NCAM2: variants seen among roughly 807,000 people sequenced by gnomAD.
NCAM2 encodes the protein N-CAM-2.
A neutral mutation model predicts 98.1 loss-of-function variants in NCAM2; 30 were observed. That is an observed-to-expected ratio of 0.31 (90% confidence interval 0.23 to 0.41). The LOEUF (loss-of-function observed/expected upper bound fraction) is 0.41, where lower values mean the gene tolerates loss of function less well. NCAM2 is among the 10% of genes least tolerant of loss of function. NCAM2 has a pLI of 1.00. For synonymous variants in NCAM2, 368 were observed against 342.4 expected (o/e 1.07, Z -0.83); for missense variants, 867 against 1,005.8 (o/e 0.86, Z 1.87).
rs563113281 is a variant in NCAM2 at position 21,152,282 on chromosome 21, A to G, written c.56-128296A>G. 1.4e-4 allele frequency among the ~76,000 whole-genome samples: 22 copies of G among 151,964 alleles called. No individual in the cohort carries two copies. In the South Asian group the frequency reaches 2.5e-3, roughly 17 times the overall value. ...TAAAGTTCCGTTTTATTTTTTCCCA[A>G]TGGTTTCCATTTCCCTTTATCCTGA... is the stretch of plus-strand genomic sequence containing the variant. On this transcript the variant is annotated intron_variant, in intron 1 of 17. Coordinates refer to ENST00000400546, the MANE Select transcript of NCAM2 (RefSeq NM_004540.5).
In NCAM2 at chr21:21,540,515, T is replaced by C. The variant is rs1354096789; in HGVS notation, c.*2558T>C. 6.6e-6 allele frequency: 1 copy of C among 151,936 alleles called. No individual in the cohort carries two copies. The highest frequency in any genetic ancestry group is 1.5e-5 in the Non-Finnish European group (1 of 67,972). The allele number at this position is 151,936 out of a possible 1,614,324, so 9.4% of individuals were successfully genotyped here. On this transcript the variant is annotated 3_prime_UTR_variant, in exon 18 of 18. Transcript: ENST00000400546. ...TATTTCAATGGAATGCTCCAAATGA[T>C]TTATAAAAATTTCAAAATAAAAGAT...
chr21:21,236,584 T>C (rs1366744705), intron 1 of NCAM2, among the ~76,000 whole-genome samples: 2 of 152,134 alleles, frequency 1.3e-5, no homozygotes, highest in East Asian at 3.9e-4. Flanking sequence ...CTCTGATAAA[T>C]AATAAATACA....
chr21:21,489,874 G>T (rs556068042), intron 15 of NCAM2, among the ~76,000 whole-genome samples: 1 of 151,982 alleles, frequency 6.6e-6, no homozygotes, highest in Admixed American at 6.6e-5. Flanking sequence ...ATATAAATTG[G>T]AGTATTATTC....
At chr21:21,290,519 A>G (rs2073252554) in intron 4 of NCAM2, among the ~76,000 whole-genome samples, 1 of 151,740 alleles carries the variant, frequency 6.6e-6, no homozygotes, top group Non-Finnish European at 1.5e-5. Context: ...TTGTGCTTTA[A>G]TTTACCAGGG....
At chr21:21,028,367 A>G (rs1029948044) in intron 1 of NCAM2, among the ~76,000 whole-genome samples, 1 of 152,172 alleles carries the variant, frequency 6.6e-6, no homozygotes, top group African/African-American at 2.4e-5. Context: ...TCAAAAATTT[A>G]TGTTGTGTGA....
intron 1 of NCAM2, among the ~76,000 whole-genome samples, chr21:21,216,879 A>T (rs1195287090): frequency 1.3e-5 from 2 of 152,208 alleles, no homozygotes; most frequent in Non-Finnish European, 2.9e-5. Flanking sequence ...TTAAAAGAAA[A>T]GAAAATCACA....
intron 1 of NCAM2, among the ~76,000 whole-genome samples, chr21:21,212,931 A>T (rs921931067): frequency 2.6e-5 from 4 of 151,666 alleles, no homozygotes; most frequent in African/African-American, 4.8e-5. Context: ...TTTAGTAGAG[A>T]TGGGGTTTCC....
rs564715921 is a variant in NCAM2, at chr21:21,494,706, C to T, written c.2078-14145C>T. 3.6e-3 allele frequency among the ~76,000 whole-genome samples: 540 copies of T among 151,946 alleles called. 4 individuals carry two copies. The highest frequency in any genetic ancestry group is 7.9e-3 in the South Asian group (38 of 4,812). On this transcript the variant is annotated intron_variant, in intron 15 of 17. Coordinates refer to ENST00000400546, the MANE Select transcript of NCAM2 (RefSeq NM_004540.5). ...CCAAAATGATCTCAGTTCCAACATA[C>T]ATAATAATGTGAAATGTCAGTATAG...
At chr21:21,273,905 C>G (rs1207943599) in intron 1 of NCAM2, among the ~76,000 whole-genome samples, 3 of 152,094 alleles carry the variant, frequency 2.0e-5, no homozygotes, top group African/African-American at 4.8e-5. Context: ...TTGGCTCATG[C>G]CTGTAATCCC....
intron 1 of NCAM2, among the ~76,000 whole-genome samples, chr21:21,006,222 A>G (rs1188936711): frequency 6.6e-6 from 1 of 152,104 alleles, no homozygotes; most frequent in Non-Finnish European, 1.5e-5. Context: ...GTGTTGATCC[A>G]TGGGTTGGGA....
chr21:21,233,322 C>T (rs2070700767), intron 1 of NCAM2, among the ~76,000 whole-genome samples: 1 of 151,606 alleles, frequency 6.6e-6, no homozygotes, highest in Non-Finnish European at 1.5e-5. Flanking sequence ...CCATAAAGCT[C>T]CAACTTTTAC....
chr21:21,056,546 GGAGAGAGAGAGAGAGT>G (rs1400672079), intron 1 of NCAM2, among the ~76,000 whole-genome samples: 3 of 147,620 alleles, frequency 2.0e-5, no homozygotes, highest in Non-Finnish European at 4.5e-5. Context: ...GGGAGAGAGA[GGAGAGAGAGAGAGAGT>G]GAGAGAGAGA....
At chr21:21,340,468 AAATAATCTT>A (rs1183456243) in intron 8 of NCAM2, among the ~76,000 whole-genome samples, 3 of 151,962 alleles carry the variant, frequency 2.0e-5, no homozygotes, top group Non-Finnish European at 4.4e-5. Flanking sequence ...TAACTGTGAA[AAATAATCTT>A]AAAGCTTTTG....
At chr21:21,454,846 T>C (rs1981886763) in intron 12 of NCAM2, among the ~76,000 whole-genome samples, 2 of 151,966 alleles carry the variant, frequency 1.3e-5, no homozygotes, top group Admixed American at 1.3e-4. Context: ...ATATGAAGTA[T>C]TCAAATTTCT....
At chr21:21,385,729 A>T (rs1163168922) in intron 9 of NCAM2, 1 of 1,098,410 alleles carries the variant, frequency 9.1e-7, no homozygotes, top group Non-Finnish European at 1.2e-6. Flanking sequence ...GGCATGTGAT[A>T]TACAGTTTAA....
chr21:21,507,276 A>T (rs1208146501), intron 15 of NCAM2, among the ~76,000 whole-genome samples: 3 of 152,112 alleles, frequency 2.0e-5, no homozygotes, highest in African/African-American at 7.2e-5. Context: ...TATTTCTTCA[A>T]GTCATTATTA....
chr21:21,207,113 G>A (rs2069465200), intron 1 of NCAM2, among the ~76,000 whole-genome samples: 1 of 152,112 alleles, frequency 6.6e-6, no homozygotes, highest in African/African-American at 2.4e-5. Flanking sequence ...ACATAAAATG[G>A]AGATGTAGTG....
At chr21:21,023,053 A>G (rs1264569608) in intron 1 of NCAM2, among the ~76,000 whole-genome samples, 1 of 152,210 alleles carries the variant, frequency 6.6e-6, no homozygotes, top group Admixed American at 6.5e-5. Context: ...ATACAACAGT[A>G]AGCTTTATAC....
chr21:21,192,243 A>T (rs1036395059), intron 1 of NCAM2, among the ~76,000 whole-genome samples: 6 of 151,952 alleles, frequency 3.9e-5, no homozygotes, highest in East Asian at 1.9e-4. Context: ...AAACAAAAAC[A>T]AAAAAACTAA....
Sources: allele counts gnomAD v4.1 joint callset (sites outside exome capture counted in the v4.1 genomes callset), GRCh38; gene constraint gnomAD v4.1.1; transcripts MANE v1.5; gene names NCBI Gene and HGNC (gene_info 2026-07-23, HGNC 2026-07-21).